GABRR1: variants seen among roughly 807,000 people sequenced by gnomAD.
The protein encoded by GABRR1 is gamma-aminobutyric acid receptor subunit rho-1.
A neutral mutation model predicts 55.5 loss-of-function variants in GABRR1; 59 were observed. The ratio of observed to expected loss-of-function variants is 1.06; its 90% CI spans 0.86 to 1.32. The LOEUF is 1.32. Among genes scored for constraint, GABRR1 ranks in the 40% most tolerant of loss-of-function variants. The probability of loss-of-function intolerance (pLI) is 0.00; values close to 1 mark genes in which losing one functional copy is unlikely to be tolerated. For missense variants in GABRR1, 602 were observed against 619.1 expected (o/e 0.97, Z 0.29); for synonymous variants, 213 against 226.0 (o/e 0.94, Z 0.51).
intron 5 of GABRR1, among the ~76,000 whole-genome samples, chr6:89,191,989 C>T (rs1474360388): frequency 6.6e-6 from 1 of 151,728 alleles, no homozygotes; most frequent in African/African-American, 2.4e-5. Flanking sequence ...TTGCAGTGAG[C>T]CGAGATCGCA....
rs1481244820 is a variant in GABRR1, at chr6:89,217,108, G to A, written c.122+93C>T. The A allele has an allele frequency of 3.0e-5, 42 of 1,396,450 alleles. 1 individual carries two copies. The highest frequency in any genetic ancestry group is 2.0e-4 in the East Asian group (8 of 40,472). The allele number at this position is 1,396,450 out of a possible 1,614,324, so 86.5% of individuals were successfully genotyped here. A position where few individuals can be genotyped will look rare whatever the true frequency, so the allele number is the denominator to read the frequency against. On this transcript the variant is annotated intron_variant, in intron 1 of 9. Coordinates refer to ENST00000454853, the MANE Select transcript of GABRR1 (RefSeq NM_002042.5). ...AAGGCATCCACACAAAACACCATAC[G>A]CTGGAAATGATGCTCAGTTTCTAGA...
intron 1 of GABRR1, chr6:89,204,691 G>A (rs532171331): frequency 1.7e-5 from 22 of 1,283,264 alleles, no homozygotes; most frequent in African/African-American, 7.6e-5. Flanking sequence ...ATGAAGCCTC[G>A]ATTCTAGCCA....
At position 89,203,418 on chromosome 6, in the gene GABRR1, C is replaced by T. The variant is rs775371301; in HGVS notation, c.173+17G>A. ...GGAAACATCTGCAGAACAGTGTGCA[C>T]GTGCTTATGGCCATACCTGACTTGC... is the stretch of plus-strand genomic sequence containing the variant. On this transcript the variant is annotated intron_variant, in intron 2 of 9. Transcript: ENST00000454853. The T allele has an allele frequency of 8.1e-6, 13 of 1,609,678 alleles. No individual in the cohort carries two copies. Among genetic ancestry groups the T allele is most frequent in the African/African-American group, 8.0e-5 (6 of 74,806 alleles).
rs748083908 is a variant in GABRR1 at position 89,217,294 on chromosome 6, C to T, written c.29G>A (p.Gly10Asp). 10 of 1,614,080 alleles carry T rather than the reference C, an allele frequency of 6.2e-6. No individual in the cohort carries two copies. The South Asian group carries it at 9.9e-5, about 16-fold the overall frequency. Residue 10 changes from glycine (G) to aspartate (D), a missense_variant, in exon 1 of 10, where the codon GGC becomes GAC. Physicochemically the swap from Gly to Asp is moderately conservative, Grantham distance 94. Coordinates refer to ENST00000454853, the MANE Select transcript of GABRR1 (RefSeq NM_002042.5). MLAVPNMRF[G>D]IFLLWWGWVL... ...CCATCCCCACCACAAAAGAAAGATG[C>T]CAAATCTCATATTTGGGACAGCCAA...
intron 8 of GABRR1, among the ~76,000 whole-genome samples, chr6:89,181,245 G>A (rs1019227654): frequency 6.6e-5 from 10 of 152,060 alleles, no homozygotes; most frequent in Non-Finnish European, 1.5e-4. Flanking sequence ...TCATCTTAAG[G>A]GCCAGCTCCA....
upstream of GABRR1, chr6:89,221,410 A>G (rs1773113782): frequency 6.6e-6 from 1 of 152,246 alleles, no homozygotes; most frequent in African/African-American, 2.4e-5. Flanking sequence ...CGTGGGTTTT[A>G]CATCTGTAGA....
intron 2 of GABRR1, among the ~76,000 whole-genome samples, chr6:89,201,912 G>A (rs1772487156): frequency 6.6e-6 from 1 of 152,192 alleles, no homozygotes. Flanking sequence ...AAAAATAGCT[G>A]GTTCTAGTCT....
intron 6 of GABRR1, among the ~76,000 whole-genome samples, chr6:89,189,037 CATGTCTGT>C (rs1772002049): frequency 7.0e-6 from 1 of 142,374 alleles, no homozygotes; most frequent in African/African-American, 2.7e-5. Context: ...TGGATGAACT[CATGTCTGT>C]GTGTGTGTGT....
chr6:89,195,524 A>G (rs1431427420), intron 5 of GABRR1, among the ~76,000 whole-genome samples: 1 of 152,168 alleles, frequency 6.6e-6, no homozygotes, highest in Non-Finnish European at 1.5e-5. Flanking sequence ...CATGCCGACC[A>G]GGAGGAAGTA....
At chr6:89,180,073 GC>G (rs1354200033) in intron 9 of GABRR1, among the ~76,000 whole-genome samples, 1 of 132,180 alleles carries the variant, frequency 7.6e-6, no homozygotes, top group Non-Finnish European at 1.6e-5. Context: ...TGTGGTAGGT[GC>G]AAAAAAATTT....
intron 5 of GABRR1, among the ~76,000 whole-genome samples, chr6:89,191,957 G>A (rs1008391718): frequency 6.6e-6 from 1 of 151,902 alleles, no homozygotes; most frequent in Non-Finnish European, 1.5e-5. Flanking sequence ...CAGGAGAACT[G>A]CTTGAACCTG....
chr6:89,203,201 AG>A (rs890155509), intron 2 of GABRR1, among the ~76,000 whole-genome samples: 2 of 152,164 alleles, frequency 1.3e-5, no homozygotes, highest in African/African-American at 4.8e-5. Flanking sequence ...GCTTGTCAAG[AG>A]GAGGAACACC....
chr6:89,221,384 G>A (rs974146185), upstream of GABRR1: 8 of 152,176 alleles, frequency 5.3e-5, no homozygotes, highest in African/African-American at 1.2e-4. Context: ...TCTAGCCACA[G>A]TCAGCCCTCT....
upstream of GABRR1, among the ~76,000 whole-genome samples, chr6:89,219,451 A>G (rs1349492415): frequency 6.6e-6 from 1 of 152,220 alleles, no homozygotes; most frequent in East Asian, 1.9e-4. Context: ...TAAGGAGCCC[A>G]GCTTTTTTCT....
intron 1 of GABRR1, among the ~76,000 whole-genome samples, chr6:89,215,958 C>T (rs1562315726): frequency 6.6e-6 from 1 of 152,176 alleles, no homozygotes; most frequent in Non-Finnish European, 1.5e-5. Flanking sequence ...AGTTTGTTGT[C>T]GTTGTTGTTG....
intron 5 of GABRR1, among the ~76,000 whole-genome samples, chr6:89,194,384 C>T (rs57243638): frequency 2.2e-3 from 336 of 152,206 alleles, no homozygotes; most frequent in African/African-American, 7.8e-3. Flanking sequence ...AAGGAGGCAG[C>T]AACCTAGCGA....
At chr6:89,180,967 A>G (rs1771701258) in intron 8 of GABRR1, among the ~76,000 whole-genome samples, 1 of 152,208 alleles carries the variant, frequency 6.6e-6, no homozygotes, top group African/African-American at 2.4e-5. Context: ...GGGCACCCCC[A>G]GCAGCCACCA....
intron 1 of GABRR1, among the ~76,000 whole-genome samples, chr6:89,229,320 G>T (rs1476742319): frequency 4.0e-5 from 6 of 151,592 alleles, no homozygotes; most frequent in African/African-American, 1.5e-4. Context: ...GTTAGCTGGT[G>T]ATTTTGCTCG....
At chr6:89,223,519 A>C (rs1221004601) in intron 1 of GABRR1, among the ~76,000 whole-genome samples, 1 of 152,136 alleles carries the variant, frequency 6.6e-6, no homozygotes, top group East Asian at 1.9e-4. Flanking sequence ...TGCGTGTACA[A>C]GTGTCTTTTT....
Sources: allele counts gnomAD v4.1 joint callset (sites outside exome capture counted in the v4.1 genomes callset), GRCh38; gene constraint gnomAD v4.1.1; transcripts MANE v1.5; gene names NCBI Gene and HGNC (gene_info 2026-07-23, HGNC 2026-07-21).